Variants in ARFIP1 observed in about 807,000 individuals in gnomAD.
The protein encoded by ARFIP1 is arfaptin-1.
Under a neutral mutation model 42.5 loss-of-function variants are expected in ARFIP1, and 24 were observed. The ratio of observed to expected loss-of-function variants is 0.57; its 90% CI spans 0.41 to 0.80. The LOEUF is 0.80. ARFIP1 is among the 30% of genes least tolerant of loss of function. The probability of loss-of-function intolerance (pLI) is 0.00; values close to 1 mark genes in which losing one functional copy is unlikely to be tolerated. For synonymous variants in ARFIP1, 141 were observed against 153.7 expected, an observed-to-expected ratio of 0.92 and a Z score of 0.61; for missense variants, 354 against 434.0, an observed-to-expected ratio of 0.82 and a Z score of 1.64.
In ARFIP1 at chr4:152,796,002, A is replaced by G. The variant is rs565935365; in HGVS notation, c.-10+15776A>G. 2.8e-4 allele frequency: 165 copies of G among 599,556 alleles called. 1 individual carries two copies. Among genetic ancestry groups the G allele is most frequent in the South Asian group, 2.0e-3 (120 of 60,458 alleles). The allele number at this position is 599,556 out of a possible 1,614,324, so 37.1% of individuals were successfully genotyped here. A position where few individuals can be genotyped will look rare whatever the true frequency, so the allele number is the denominator to read the frequency against. On this transcript the variant is annotated intron_variant, in intron 1 of 8. Coordinates refer to ENST00000353617, the MANE Select transcript of ARFIP1 (RefSeq NM_001025595.3). Reference sequence around the variant, plus strand: ...CTGTTTGGTAGTACTCAGAAACATTACAGTAATGGTAGTTTTTTCAGTTGG... The same window carrying G: ...CTGTTTGGTAGTACTCAGAAACATTGCAGTAATGGTAGTTTTTTCAGTTGG...
At chr4:152,797,722 C>G (rs1463255675) in intron 1 of ARFIP1, among the ~76,000 whole-genome samples, 1 of 152,056 alleles carries the variant, frequency 6.6e-6, no homozygotes, top group Non-Finnish European at 1.5e-5. Flanking sequence ...GGGATTTTCT[C>G]TGCCATTATT....
chr4:152,905,558 T>G (rs1321092537), intron 8 of ARFIP1, among the ~76,000 whole-genome samples: 6 of 118,984 alleles, frequency 5.0e-5, no homozygotes, highest in Admixed American at 9.0e-5. Context: ...TTTTTTTTTT[T>G]TTTTTTTTTT....
intron 7 of ARFIP1, among the ~76,000 whole-genome samples, chr4:152,884,024 A>G (rs1736070805): frequency 6.6e-6 from 1 of 152,014 alleles, no homozygotes; most frequent in African/African-American, 2.4e-5. Context: ...CTTATTAAAT[A>G]TATATTTCCT....
intron 1 of ARFIP1, among the ~76,000 whole-genome samples, chr4:152,816,755 T>C (rs1220709560): frequency 1.3e-5 from 2 of 152,230 alleles, no homozygotes; most frequent in Non-Finnish European, 2.9e-5. Flanking sequence ...TTTGATAAAT[T>C]AGTTGGACTG....
At chr4:152,800,103 A>G (rs1003151087) in intron 1 of ARFIP1, among the ~76,000 whole-genome samples, 6 of 152,202 alleles carry the variant, frequency 3.9e-5, no homozygotes, top group Non-Finnish European at 8.8e-5. Context: ...ACGTGAGTAT[A>G]AGCTGAATTT....
intron 1 of ARFIP1, among the ~76,000 whole-genome samples, chr4:152,816,131 A>T (rs1729871325): frequency 6.6e-6 from 1 of 152,120 alleles, no homozygotes; most frequent in African/African-American, 2.4e-5. Flanking sequence ...GTAGGCTCCT[A>T]ATTGTTCTCC....
intron 3 of ARFIP1, among the ~76,000 whole-genome samples, chr4:152,868,450 G>T (rs1006401013): frequency 1.3e-5 from 2 of 152,060 alleles, no homozygotes; most frequent in East Asian, 3.9e-4. Flanking sequence ...AATGATTTTG[G>T]TAACAGTTGT....
intron 2 of ARFIP1, among the ~76,000 whole-genome samples, chr4:152,843,796 A>G (rs1456155066): frequency 1.3e-5 from 2 of 152,112 alleles, no homozygotes; most frequent in African/African-American, 4.8e-5. Flanking sequence ...AGTCTGTTTC[A>G]AGGCAGAGAG....
intron 1 of ARFIP1, among the ~76,000 whole-genome samples, chr4:152,794,667 G>T (rs533584349): frequency 6.6e-6 from 1 of 152,256 alleles, no homozygotes; most frequent in African/African-American, 2.4e-5. Flanking sequence ...AGTGGATCTT[G>T]TCTGCAGTAT....
intron 2 of ARFIP1, among the ~76,000 whole-genome samples, chr4:152,836,521 TTTTC>T (rs761122199): frequency 3.9e-5 from 6 of 152,178 alleles, no homozygotes; most frequent in African/African-American, 9.7e-5. Context: ...CTGGTATCTC[TTTTC>T]TTTCTTCTTT....
chr4:152,846,870 C>T (rs1297890601), intron 2 of ARFIP1, among the ~76,000 whole-genome samples: 1 of 151,614 alleles, frequency 6.6e-6, no homozygotes, highest in Non-Finnish European at 1.5e-5. Context: ...ATTACGTTGT[C>T]GTAACCTGGC....
intron 2 of ARFIP1, among the ~76,000 whole-genome samples, chr4:152,841,222 G>C (rs1296866553): frequency 6.6e-6 from 1 of 151,982 alleles, no homozygotes; most frequent in African/African-American, 2.4e-5. Context: ...TTTTAGTAGA[G>C]ATGGAGTTTC....
chr4:152,897,983 C>CTTTTTTT (rs766083303), intron 8 of ARFIP1, among the ~76,000 whole-genome samples: 1 of 121,500 alleles, frequency 8.2e-6, no homozygotes. Context: ...TTGCAATGTT[C>CTTTTTTT]TTTTTTTTTT....
intron 1 of ARFIP1, among the ~76,000 whole-genome samples, chr4:152,827,954 A>G (rs1730972261): frequency 6.6e-6 from 1 of 152,218 alleles, no homozygotes; most frequent in Non-Finnish European, 1.5e-5. Context: ...GATTACAGAC[A>G]TGAACCACTG....
At chr4:152,841,531 CA>C (rs1732076548) in intron 2 of ARFIP1, among the ~76,000 whole-genome samples, 1 of 151,920 alleles carries the variant, frequency 6.6e-6, no homozygotes, top group East Asian at 1.9e-4. Context: ...GATGTGTTTC[CA>C]GTATTTGTTT....
intron 5 of ARFIP1, among the ~76,000 whole-genome samples, chr4:152,875,913 A>G (rs183295797): frequency 3.0e-4 from 46 of 151,978 alleles, no homozygotes; most frequent in African/African-American, 8.7e-4. Context: ...GTCTCACAAG[A>G]TCTGGTGGGT....
At chr4:152,876,675 C>T (rs1361045654) in intron 5 of ARFIP1, among the ~76,000 whole-genome samples, 2 of 152,234 alleles carry the variant, frequency 1.3e-5, no homozygotes, top group African/African-American at 4.8e-5. Context: ...GGGAAAATGT[C>T]TTCAGGCCAT....
chr4:152,865,945 T>C (rs1451080941), intron 3 of ARFIP1, among the ~76,000 whole-genome samples: 2 of 152,008 alleles, frequency 1.3e-5, no homozygotes, highest in African/African-American at 4.8e-5. Flanking sequence ...CATAGGACAA[T>C]AGTGGAGGGA....
intron 1 of ARFIP1, among the ~76,000 whole-genome samples, chr4:152,792,516 A>T (rs948194550): frequency 6.6e-6 from 1 of 152,182 alleles, no homozygotes; most frequent in South Asian, 2.1e-4. Context: ...ACCACCTGTT[A>T]TATGAGTACC....
Sources: allele counts gnomAD v4.1 joint callset (sites outside exome capture counted in the v4.1 genomes callset), GRCh38; gene constraint gnomAD v4.1.1; transcripts MANE v1.5; gene names NCBI Gene and HGNC (gene_info 2026-07-23, HGNC 2026-07-21).